The following EFCAB6 variants were observed in gnomAD, a reference collection of about 807,000 sequenced individuals.
The protein encoded by EFCAB6 is EF-hand calcium binding domain 6.
EFCAB6 carries 156 observed loss-of-function variants against 169.8 expected under a neutral mutation model. The ratio of observed to expected loss-of-function variants is 0.92; its 90% confidence interval spans 0.81 to 1.05. EFCAB6 has a LOEUF of 1.05. EFCAB6 is among the 50% of genes least tolerant of loss of function. EFCAB6 has a pLI of 0.00. For synonymous variants in EFCAB6, 698 were observed against 676.4 expected (o/e 1.03, Z -0.50); for missense variants, 1,800 against 1,829.1 (o/e 0.98, Z 0.29).
At chr22:43,689,422 G>A (rs140476994) in intron 10 of EFCAB6, among the ~76,000 whole-genome samples, 223 of 151,522 alleles carry the variant, frequency 1.5e-3, no homozygotes, top group African/African-American at 5.1e-3. Context: ...CTGGAGAAAT[G>A]AACAGGCCTT....
At chr22:43,776,450 C>T (rs2061644464) in intron 3 of EFCAB6, among the ~76,000 whole-genome samples, 1 of 152,146 alleles carries the variant, frequency 6.6e-6, no homozygotes, top group Non-Finnish European at 1.5e-5. Flanking sequence ...TCATGGCGCA[C>T]AGTGACACGT....
In EFCAB6 at chr22:43,636,557, T is replaced by C. The variant is rs1390194269; in HGVS notation, c.1984-1341A>G. ...TCTTAGGGAGTTTGGGTCACTTTTC[T>C]TAGACATATGAATAGAAAGTGGCAG... On this transcript the variant is annotated intron_variant, in intron 17 of 31. Transcript: ENST00000262726. 2.0e-5 allele frequency among the ~76,000 whole-genome samples: 3 copies of C among 151,540 alleles called. No homozygotes were observed. In the South Asian group the frequency reaches 6.2e-4, roughly 32 times the overall value.
intron 6 of EFCAB6, among the ~76,000 whole-genome samples, chr22:43,737,823 A>G (rs1208717437): frequency 6.7e-6 from 1 of 150,276 alleles, no homozygotes; most frequent in Non-Finnish European, 1.5e-5. Context: ...ACACACACTC[A>G]CACCATTACT....
chr22:43,581,876 C>A lies in EFCAB6; in HGVS notation c.3033-1217G>T, dbSNP rs569548646. 9.2e-5 allele frequency among the ~76,000 whole-genome samples: 14 copies of A among 152,310 alleles called. No homozygotes were observed. In the South Asian group the frequency reaches 2.3e-3, roughly 25 times the overall value. On this transcript the variant is annotated intron_variant, in intron 24 of 31. Transcript: ENST00000262726. ...ACTATTTCATCAGCGGGATAAATTG[C>A]CAACGTGGTATTAAAATGTAGTAAT... is the stretch of plus-strand genomic sequence containing the variant.
At chr22:43,599,970 G>T in intron 23 of EFCAB6, 99 bp downstream of exon 23, 1 of 1,272,714 alleles carries the variant, frequency 7.9e-7, no homozygotes, top group Non-Finnish European at 1.1e-6. Context: ...CTGTAACTTT[G>T]CCAGCATGGG....
chr22:43,798,352 A>T (rs1402422262), intron 2 of EFCAB6, among the ~76,000 whole-genome samples: 1 of 143,062 alleles, frequency 7.0e-6, no homozygotes, highest in Non-Finnish European at 1.5e-5. Flanking sequence ...ACTCCATCTC[A>T]AAAAAAAAAA....
intron 6 of EFCAB6, among the ~76,000 whole-genome samples, chr22:43,743,375 G>T (rs938562303): frequency 6.6e-6 from 1 of 152,160 alleles, no homozygotes; most frequent in South Asian, 2.1e-4. Context: ...CTCTCCACAA[G>T]GGACCTGAAG....
At chr22:43,733,458 G>A (rs535683359) in intron 7 of EFCAB6, among the ~76,000 whole-genome samples, 1 of 152,178 alleles carries the variant, frequency 6.6e-6, no homozygotes, top group African/African-American at 2.4e-5. Context: ...ACACTCAATG[G>A]GTTTTGAGAT....
rs145885877 is a variant in EFCAB6, at chr22:43,732,391, G to A, written c.645-580C>T. On this transcript the variant is annotated intron_variant, in intron 7 of 31. Transcript: ENST00000262726. ...GGCAAAGTTTCTCTTGAAGCATTTC[G>A]TGATTTTTATATGTAACATACAAGG... Among the ~76,000 whole-genome samples the A allele has an allele frequency of 1.1e-3, 167 of 151,676 alleles. No homozygotes were observed. In the Middle Eastern group the frequency reaches 0.017, roughly 15 times the overall value.
intron 21 of EFCAB6, among the ~76,000 whole-genome samples, chr22:43,612,886 T>C (rs1489087870): frequency 6.9e-6 from 1 of 144,704 alleles, no homozygotes; most frequent in Non-Finnish European, 1.5e-5. Context: ...AGAGTGAGAC[T>C]CCATCTCAAT....
chr22:43,596,025 A>G (rs1222633345), intron 23 of EFCAB6, among the ~76,000 whole-genome samples: 1 of 152,218 alleles, frequency 6.6e-6, no homozygotes, highest in Non-Finnish European at 1.5e-5. Context: ...ATGCTGAAAA[A>G]GCATTTTATA....
At chr22:43,643,057 G>A (rs1306598087) in intron 17 of EFCAB6, among the ~76,000 whole-genome samples, 2 of 152,150 alleles carry the variant, frequency 1.3e-5, no homozygotes, top group African/African-American at 4.8e-5. Context: ...ACTGGCTTCT[G>A]AGCCACAAAC....
chr22:43,625,591 C>T (rs924449576), intron 20 of EFCAB6, among the ~76,000 whole-genome samples: 2 of 152,150 alleles, frequency 1.3e-5, no homozygotes, highest in African/African-American at 4.8e-5. Context: ...AGCACTGAGC[C>T]GGAGCTCAGC....
intron 24 of EFCAB6, among the ~76,000 whole-genome samples, chr22:43,581,196 A>T (rs1291159285): frequency 6.6e-6 from 1 of 152,182 alleles, no homozygotes; most frequent in Non-Finnish European, 1.5e-5. Context: ...AAGGGCCTGG[A>T]CTTAGAAATT....
At position 43,784,576 on chromosome 22, in the gene EFCAB6, T is replaced by TACATATGTATAC. The variant is rs1569487352; in HGVS notation, c.-7-2252_-7-2251insGTATACATATGT. Among the ~76,000 whole-genome samples, 6 of 84,130 alleles carry TACATATGTATAC rather than the reference T, an allele frequency of 7.1e-5. No individual in the cohort carries two copies. In the South Asian group the frequency reaches 2.5e-3, roughly 35 times the overall value. 55.2% of individuals were successfully genotyped at this position (84,130 alleles called of 152,430 possible). ...ATATATACACATATATATGTGTACA[T>TACATATGTATAC]ATACACATATATATGTATATATACA... On this transcript the variant is annotated intron_variant, in intron 2 of 31. Transcript: ENST00000262726.
intron 3 of EFCAB6, among the ~76,000 whole-genome samples, chr22:43,778,254 A>G (rs2061701076): frequency 6.6e-6 from 1 of 152,214 alleles, no homozygotes; most frequent in South Asian, 2.1e-4. Flanking sequence ...TTGGTCACAG[A>G]GCAGGTCTGC....
chr22:43,603,144 C>G (rs2052647992), intron 22 of EFCAB6, among the ~76,000 whole-genome samples: 1 of 152,170 alleles, frequency 6.6e-6, no homozygotes, highest in African/African-American at 2.4e-5. Flanking sequence ...AACAAACTTT[C>G]CATCATGACA....
chr22:43,721,060 G>C (rs1348615770), intron 8 of EFCAB6, among the ~76,000 whole-genome samples: 2 of 152,132 alleles, frequency 1.3e-5, no homozygotes, highest in Non-Finnish European at 2.9e-5. Flanking sequence ...ACAAAAATCA[G>C]TGGCATTTCT....
At chr22:43,651,432 C>T (rs915942255) in intron 17 of EFCAB6, among the ~76,000 whole-genome samples, 8 of 152,248 alleles carry the variant, frequency 5.3e-5, no homozygotes, top group African/African-American at 1.7e-4. Flanking sequence ...AGAAGATCTA[C>T]GGAAACGCCT....
Sources: gnomAD v4.1 joint callset for allele counts (sites outside exome capture counted in the v4.1 genomes callset) on GRCh38, gnomAD v4.1.1 for gene constraint, MANE v1.5 for transcripts, NCBI Gene and HGNC (gene_info 2026-07-23, HGNC 2026-07-21) for gene names.